Variants in MFNG observed in about 807,000 individuals in gnomAD.
The protein encoded by MFNG is beta-1,3-N-acetylglucosaminyltransferase manic fringe.
A neutral mutation model predicts 34.2 loss-of-function variants in MFNG; 24 were observed. The ratio of observed to expected loss-of-function variants is 0.70; its 90% confidence interval spans 0.51 to 0.99. The LOEUF (loss-of-function observed/expected upper bound fraction) is 0.99. Among genes scored for constraint, MFNG ranks in the 50% least tolerant of loss-of-function variants. MFNG has a pLI of 0.00. For synonymous variants in MFNG, 158 were observed against 179.2 expected (o/e 0.88, Z 0.94); for missense variants, 383 against 424.0 (o/e 0.90, Z 0.85).
At chr22:37,476,774 G>C in intron 5 of MFNG, 122 bp downstream of exon 5, 1 of 807,936 alleles carries the variant, frequency 1.2e-6, no homozygotes, top group Non-Finnish European at 2.0e-6. Context: ...TGTGACACAC[G>C]CAAATGAGGA....
At chr22:37,475,515 A>C (rs1921998801) in intron 5 of MFNG, among the ~76,000 whole-genome samples, 1 of 152,126 alleles carries the variant, frequency 6.6e-6, no homozygotes, top group African/African-American at 2.4e-5. Flanking sequence ...TGAGCCACCT[A>C]AACAGAGTCT....
rs1922413139 is a variant in MFNG, at chr22:37,483,953, T to G, written c.255+1970A>C. Among the ~76,000 whole-genome samples, 1 of 152,192 alleles carries G rather than the reference T, an allele frequency of 6.6e-6. No homozygotes were observed. The highest frequency in any genetic ancestry group is 1.5e-5 in the Non-Finnish European group (1 of 68,044). On this transcript the variant is annotated intron_variant, in intron 1 of 7. Coordinates refer to ENST00000356998, the MANE Select transcript of MFNG (RefSeq NM_002405.4). This position sits in a 1 kb window ranked among gnomAD's most constrained non-coding sequence, Gnocchi z 4.5. ...GCAGAGTTTCTTTGGAGCCAAGGGC[T>G]GCATTTGACTTGTTTAAGGAGGGGA...
rs897434737 is a variant in MFNG, at chr22:37,485,006, C to T, written c.255+917G>A. Among the ~76,000 whole-genome samples, 37 of 152,082 alleles carry T rather than the reference C, an allele frequency of 2.4e-4. No homozygotes were observed. Among genetic ancestry groups the T allele is most frequent in the African/African-American group, 8.7e-4 (36 of 41,414 alleles). On this transcript the variant is annotated intron_variant, in intron 1 of 7. Transcript: ENST00000356998. The surrounding 1 kb of genome is among the most constrained non-coding windows in gnomAD (Gnocchi z 5.3). Reference sequence around the variant, plus strand: ...GTGTGTGTGTGTGTGTGTACCCATTCTCCACCTCCCCCATCAACGGTCCCT... The same window carrying T: ...GTGTGTGTGTGTGTGTGTACCCATTTTCCACCTCCCCCATCAACGGTCCCT...
intron 6 of MFNG, 25 bp from the exon 7 acceptor site, chr22:37,472,553 T>C: frequency 1.3e-6 from 2 of 1,564,420 alleles, no homozygotes; most frequent in Non-Finnish European, 1.7e-6. Context: ...AGAAGAGTGT[T>C]GGGGCATCAC....
At chr22:37,478,358 G>A (rs759133713) in intron 4 of MFNG, among the ~76,000 whole-genome samples, 1 of 152,174 alleles carries the variant, frequency 6.6e-6, no homozygotes, top group Non-Finnish European at 1.5e-5. Context: ...AGGGGGTCCT[G>A]GGGACAGGGA....
At chr22:37,472,182 A>G (rs1921836169) in intron 7 of MFNG, among the ~76,000 whole-genome samples, 1 of 152,160 alleles carries the variant, frequency 6.6e-6, no homozygotes, top group African/African-American at 2.4e-5. Flanking sequence ...TGGGGCTGGG[A>G]GAGCTCTTCA....
At chr22:37,471,873 C>T (rs1195087175) in intron 7 of MFNG, among the ~76,000 whole-genome samples, 2 of 138,002 alleles carry the variant, frequency 1.4e-5, no homozygotes, top group Non-Finnish European at 3.1e-5. Context: ...CTGGCAGGTG[C>T]TGGTGTGTGG....
At chr22:37,471,830 C>CA (rs913243094) in intron 7 of MFNG, among the ~76,000 whole-genome samples, 10,631 of 35,172 alleles carry the variant, frequency 0.3, 2,077 homozygotes, top group East Asian at 0.48. Context: ...GGCTCCATCT[C>CA]AAAAAAAAAA....
At chr22:37,479,533 G>T (rs370339796) in intron 3 of MFNG, 35 bp from the exon 4 acceptor site, 52 of 1,605,336 alleles carry the variant, frequency 3.2e-5, no homozygotes, top group Non-Finnish European at 3.8e-5. Context: ...GAACTTGTTG[G>T]GGGGGTTCCA....
chr22:37,474,477 T>G (rs776687385), intron 6 of MFNG, 35 bp downstream of exon 6: 2 of 1,609,990 alleles, frequency 1.2e-6, no homozygotes, highest in Middle Eastern at 1.8e-4. Context: ...TTGGTTCCCC[T>G]TCCCATTTGC....
At chr22:37,476,749 C>T in intron 5 of MFNG, 147 bp downstream of exon 5, 1 of 703,984 alleles carries the variant, frequency 1.4e-6, no homozygotes, top group Non-Finnish European at 2.4e-6. Context: ...GCTTGTTCAC[C>T]ACCAACTGCC....
intron 6 of MFNG, chr22:37,472,791 T>C (rs567279657): frequency 1.6e-4 from 57 of 356,802 alleles, no homozygotes; most frequent in Non-Finnish European, 2.5e-4. Context: ...ATCTACAGAT[T>C]TGGAAACTGA....
At position 37,485,241 on chromosome 22, in the gene MFNG, C is replaced by T. The variant is rs1408539767; in HGVS notation, c.255+682G>A. ...CCAGGCAGGCCTCCCCAACCTCCGG[C>T]CCACCACTGCCTCAGCCGCCACCCT... On this transcript the variant is annotated intron_variant, in intron 1 of 7. Transcript: ENST00000356998. This position sits in a 1 kb window ranked among gnomAD's most constrained non-coding sequence, Gnocchi z 5.3. 1.3e-5 allele frequency among the ~76,000 whole-genome samples: 2 copies of T among 152,168 alleles called. No homozygotes were observed. The highest frequency in any genetic ancestry group is 2.9e-5 in the Non-Finnish European group (2 of 68,026).
In MFNG at chr22:37,474,532, T is replaced by C. The variant is rs761556639; in HGVS notation, c.793A>G (p.Thr265Ala). The C allele has an allele frequency of 1.9e-6, 3 of 1,614,016 alleles. No individual in the cohort carries two copies. Among genetic ancestry groups the C allele is most frequent in the Admixed American group, 1.7e-5 (1 of 60,016 alleles). Reference protein sequence around the residue: ...SHLETLQLLRTAQLPEQVTLS... With the variant: ...SHLETLQLLRAAQLPEQVTLS... ...CTCACCTGTTCTGGGAGCTGTGCAG[T>C]CCTCAGCAGCTGCAGGGTCTCCAGG... Residue 265 changes from threonine (T) to alanine (A), a missense_variant, in exon 6 of 8, where the codon ACT becomes GCT. Thr to Ala is a moderately conservative substitution (Grantham distance 58, BLOSUM62 0). Transcript: ENST00000356998.
intron 2 of MFNG, 139 bp from the exon 3 acceptor site, chr22:37,480,438 G>A: frequency 2.8e-6 from 2 of 720,390 alleles, no homozygotes; most frequent in Non-Finnish European, 2.3e-6. Flanking sequence ...GTAGGACTGA[G>A]ACCCGGGGAA....
intron 6 of MFNG, 26 bp from the exon 7 acceptor site, chr22:37,472,554 G>A (rs755514252): frequency 2.3e-5 from 36 of 1,560,634 alleles, no homozygotes; most frequent in Non-Finnish European, 2.7e-5. Context: ...GAAGAGTGTT[G>A]GGGCATCACA....
intron 7 of MFNG, among the ~76,000 whole-genome samples, chr22:37,470,686 C>T (rs953215221): frequency 6.6e-6 from 1 of 152,216 alleles, no homozygotes; most frequent in Non-Finnish European, 1.5e-5. Context: ...TCATGGGAGC[C>T]CTCTGCCCCA....
In MFNG at chr22:37,469,967, C is replaced by T. The variant is rs749008766; in HGVS notation, c.962G>A (p.Arg321Gln). The stretch of plus-strand genomic sequence containing the variant: ...CTTTGCCCAGCAGTTCAGGATTCAT[C>T]GGGCACCCAGCTGGGGACACCAGGG... ...DTPWCPQLGAR is the reference protein window; with the variant it reads ...DTPWCPQLGAQ The change falls in exon 8 of 8, where the codon CGA becomes CAA. Residue 321 changes from arginine to glutamine, a missense_variant. Coordinates refer to ENST00000356998, the MANE Select transcript of MFNG (RefSeq NM_002405.4). 1.9e-6 allele frequency: 3 copies of T among 1,605,260 alleles called. No individual in the cohort carries two copies. The highest frequency in any genetic ancestry group is 1.1e-5 in the South Asian group (1 of 89,328).
chr22:37,483,203 C>G lies in MFNG; in HGVS notation c.256-2434G>C, dbSNP rs140137665. Among the ~76,000 whole-genome samples, 818 of 152,302 alleles carry G rather than the reference C, an allele frequency of 5.4e-3. 7 individuals are homozygous for G. Among genetic ancestry groups the G allele is most frequent in the Non-Finnish European group, 6.6e-3 (448 of 68,020 alleles). ...CCGAGCCTGTCATCAATTCTGCTCA[C>G]CAGCCTCCAAATCGTCTGGGACGCT... is the stretch of plus-strand genomic sequence containing the variant. On this transcript the variant is annotated intron_variant, in intron 1 of 7. Coordinates refer to ENST00000356998, the MANE Select transcript of MFNG (RefSeq NM_002405.4). This position sits in a 1 kb window ranked among gnomAD's most constrained non-coding sequence, Gnocchi z 4.5.
Sources: allele counts gnomAD v4.1 joint callset (sites outside exome capture counted in the v4.1 genomes callset), GRCh38; gene constraint gnomAD v4.1.1; non-coding constraint Gnocchi (gnomAD v3.1); transcripts MANE v1.5; gene names NCBI Gene and HGNC (gene_info 2026-07-23, HGNC 2026-07-21).